RNF144A: variants seen among roughly 807,000 people sequenced by gnomAD.
The protein encoded by RNF144A is E3 ubiquitin-protein ligase RNF144A.
RNF144A carries 11 observed loss-of-function variants against 38.7 expected under a neutral mutation model. The ratio of observed to expected loss-of-function variants is 0.28; its 90% CI spans 0.18 to 0.47. The LOEUF (loss-of-function observed/expected upper bound fraction) is 0.47. Ranked by LOEUF, RNF144A falls within the 20% of genes least tolerant of loss-of-function variation. RNF144A has a pLI of 0.99. For synonymous variants in RNF144A, 149 were observed against 143.9 expected (o/e 1.04, Z -0.25); for missense variants, 316 against 377.2 (o/e 0.84, Z 1.34).
At chr2:6,984,079 CG>C (rs1668803129) in intron 2 of RNF144A, among the ~76,000 whole-genome samples, 1 of 152,144 alleles carries the variant, frequency 6.6e-6, no homozygotes, top group Admixed American at 6.5e-5. Flanking sequence ...TCTGGTGCAT[CG>C]GGGTGCTCAG....
At chr2:7,050,004 A>G (rs562443329) in intron 6 of RNF144A, among the ~76,000 whole-genome samples, 22 of 152,362 alleles carry the variant, frequency 1.4e-4, no homozygotes, top group African/African-American at 5.0e-4. Flanking sequence ...TCGAAAATGC[A>G]TTCGATACCA....
At chr2:6,959,874 C>T (rs1667231683) in intron 2 of RNF144A, among the ~76,000 whole-genome samples, 1 of 152,180 alleles carries the variant, frequency 6.6e-6, no homozygotes, top group Non-Finnish European at 1.5e-5. Flanking sequence ...ACTGGAGCAG[C>T]AAGTGAAGTT....
intron 2 of RNF144A, among the ~76,000 whole-genome samples, chr2:6,992,256 G>A (rs139581337): frequency 5.1e-4 from 77 of 152,296 alleles, no homozygotes; most frequent in African/African-American, 1.8e-3. Context: ...TCACTGTGCC[G>A]CCCCACCCAC....
chr2:6,998,220 G>T (rs1019362207), intron 3 of RNF144A, among the ~76,000 whole-genome samples: 1 of 151,628 alleles, frequency 6.6e-6, no homozygotes, highest in Non-Finnish European at 1.5e-5. Context: ...GTATGTGGAT[G>T]GTGTAGACGG....
At chr2:6,936,641 A>G (rs141917195) in intron 1 of RNF144A, among the ~76,000 whole-genome samples, 17 of 152,356 alleles carry the variant, frequency 1.1e-4, no homozygotes, top group Admixed American at 2.6e-4. Context: ...AATGTCTTTA[A>G]TGTATGTTTT....
chr2:6,980,187 T>C (rs1053865937), intron 2 of RNF144A, among the ~76,000 whole-genome samples: 2 of 152,154 alleles, frequency 1.3e-5, no homozygotes, highest in African/African-American at 4.8e-5. Flanking sequence ...AGCTAACCCA[T>C]GTAATTCCAC....
At chr2:7,030,939 A>G (rs1318822247) in intron 8 of RNF144A, among the ~76,000 whole-genome samples, 2 of 152,006 alleles carry the variant, frequency 1.3e-5, no homozygotes, top group Non-Finnish European at 2.9e-5. Flanking sequence ...GGAGGCTGCA[A>G]CCCAGATCCC....
At chr2:6,980,126 C>G (rs1262855501) in intron 2 of RNF144A, among the ~76,000 whole-genome samples, 1 of 152,162 alleles carries the variant, frequency 6.6e-6, no homozygotes, top group African/African-American at 2.4e-5. Flanking sequence ...TCTGTTGTCC[C>G]TCAACATGTG....
chr2:6,985,887 G>C lies in RNF144A; in HGVS notation c.-11-11029G>C, dbSNP rs796737785. Among the ~76,000 whole-genome samples, 24 of 152,258 alleles carry C rather than the reference G, an allele frequency of 1.6e-4. 2 individuals carry two copies. Among genetic ancestry groups the C allele is most frequent in the African/African-American group, 5.8e-4 (24 of 41,550 alleles). On this transcript the variant is annotated intron_variant, in intron 2 of 8. Coordinates refer to ENST00000320892, the MANE Select transcript of RNF144A (RefSeq NM_014746.6). ...GGCGGGGTTTCACCGTGTTAGCCAG[G>C]ATGGTCTCGATCTCCTGACCTCATG...
At chr2:6,969,643 T>G (rs1440669252) in intron 2 of RNF144A, among the ~76,000 whole-genome samples, 1 of 152,218 alleles carries the variant, frequency 6.6e-6, no homozygotes, top group Non-Finnish European at 1.5e-5. Context: ...TACTGCAGAG[T>G]ATGAAACGTT....
intron 1 of RNF144A, among the ~76,000 whole-genome samples, chr2:6,935,520 C>A (rs1373292706): frequency 3.9e-5 from 6 of 152,224 alleles, no homozygotes; most frequent in Non-Finnish European, 7.3e-5. Context: ...CGTCTACATC[C>A]CTGCCCGGGT....
chr2:7,021,952 A>G (rs1038638029), intron 6 of RNF144A, among the ~76,000 whole-genome samples: 2 of 152,276 alleles, frequency 1.3e-5, no homozygotes, highest in Non-Finnish European at 2.9e-5. Context: ...GATGATCTAA[A>G]TCAAAATTCA....
At chr2:6,956,780 A>G (rs1248200066) in intron 2 of RNF144A, among the ~76,000 whole-genome samples, 1 of 152,198 alleles carries the variant, frequency 6.6e-6, no homozygotes, top group African/African-American at 2.4e-5. Context: ...ACTCCCTCAT[A>G]CATTATCTGA....
At chr2:6,924,014 G>A (rs140242601) in intron 1 of RNF144A, among the ~76,000 whole-genome samples, 3 of 152,306 alleles carry the variant, frequency 2.0e-5, no homozygotes, top group African/African-American at 4.8e-5. Context: ...CAAGAGGGAA[G>A]CCTGGAACAG....
At chr2:6,983,286 CTG>C (rs954239279) in intron 2 of RNF144A, among the ~76,000 whole-genome samples, 3 of 152,204 alleles carry the variant, frequency 2.0e-5, no homozygotes, top group Non-Finnish European at 4.4e-5. Context: ...CTCCTGGAAG[CTG>C]TGTGTGTGCC....
intron 2 of RNF144A, among the ~76,000 whole-genome samples, chr2:6,957,671 CTG>C (rs1278428406): frequency 2.0e-5 from 3 of 152,236 alleles, no homozygotes; most frequent in Admixed American, 1.3e-4. Flanking sequence ...TTGAATGACA[CTG>C]TAATCTCTCT....
At chr2:6,963,270 C>T (rs774058838) in intron 2 of RNF144A, among the ~76,000 whole-genome samples, 38 of 152,100 alleles carry the variant, frequency 2.5e-4, no homozygotes, top group Non-Finnish European at 4.6e-4. Flanking sequence ...TGTTTGTGTC[C>T]GTTTGGAGGT....
At position 6,962,644 on chromosome 2, in the gene RNF144A, A is replaced by C. The variant is rs1382548518; in HGVS notation, c.-12+21497A>C. Among the ~76,000 whole-genome samples, 9 of 152,212 alleles carry C rather than the reference A, an allele frequency of 5.9e-5. No individual in the cohort carries two copies. The highest frequency in any genetic ancestry group is 3.9e-4 in the Admixed American group (6 of 15,286). On this transcript the variant is annotated intron_variant, in intron 2 of 8. Coordinates refer to ENST00000320892, the MANE Select transcript of RNF144A (RefSeq NM_014746.6). This position sits in a 1 kb window ranked among gnomAD's most constrained non-coding sequence, Gnocchi z 4.1. The stretch of plus-strand genomic sequence containing the variant: ...GATTATGGATAAATTCACCGAAATA[A>C]GGAAAACTTCTAACACTTAGACAAG...
rs900444278 is a variant in RNF144A, at chr2:7,043,586, T to C, written c.*3826T>C. 11 of 985,530 alleles carry C rather than the reference T, an allele frequency of 1.1e-5. No individual in the cohort carries two copies. The African/African-American group carries it at 1.7e-4, about 16-fold the overall frequency. 61.0% of individuals were successfully genotyped at this position (985,530 alleles called of 1,614,324 possible). A position where few individuals can be genotyped will look rare whatever the true frequency, so the allele number is the denominator to read the frequency against. On this transcript the variant is annotated 3_prime_UTR_variant, in exon 9 of 9. Coordinates refer to ENST00000320892, the MANE Select transcript of RNF144A (RefSeq NM_014746.6). The stretch of plus-strand genomic sequence containing the variant: ...TTCTGATAATTAACCTAAGCCCTTA[T>C]GAAAATAAACAAAATGAAGGGATTA...
Sources: gnomAD v4.1 joint callset for allele counts (sites outside exome capture counted in the v4.1 genomes callset) on GRCh38, gnomAD v4.1.1 for gene constraint, Gnocchi (gnomAD v3.1) non-coding constraint, MANE v1.5 for transcripts, NCBI Gene and HGNC (gene_info 2026-07-23, HGNC 2026-07-21) for gene names.